DRC11: variants seen among roughly 807,000 people sequenced by gnomAD.
DRC11 encodes the protein dynein regulatory complex subunit 11, also known as IQ and AAA domain-containing protein 1.
At chr2:236,333,859 TG>T in the DRC11 span, among the ~76,000 whole-genome samples, 1 of 152,114 alleles carries the variant, frequency 6.6e-6, no homozygotes, top group Non-Finnish European at 1.5e-5. The surrounding 1 kb of genome is among the most constrained non-coding windows in gnomAD (Gnocchi z 6.0). Flanking sequence ...AACTGTACCG[TG>T]GGGCCTGCCA....
chr2:236,347,508 C>CCATATATATATA, the DRC11 span, among the ~76,000 whole-genome samples: 1 of 107,486 alleles, frequency 9.3e-6, no homozygotes, highest in Non-Finnish European at 2.2e-5. Flanking sequence ...AAAAACTGTG[C>CCATATATATATA]TATATATATA....
the DRC11 span, among the ~76,000 whole-genome samples, chr2:236,470,058 A>G: frequency 6.6e-6 from 1 of 152,214 alleles, no homozygotes; most frequent in African/African-American, 2.4e-5. This position sits in a 1 kb window ranked among gnomAD's most constrained non-coding sequence, Gnocchi z 5.1. Context: ...TGCTGTAAAA[A>G]TAGGACATAA....
chr2:236,395,122 C>G, the DRC11 span, among the ~76,000 whole-genome samples: 2 of 152,188 alleles, frequency 1.3e-5, no homozygotes, highest in Non-Finnish European at 2.9e-5. Flanking sequence ...GGATTGGGGG[C>G]ACAGCGCTGG....
the DRC11 span, among the ~76,000 whole-genome samples, chr2:236,440,154 T>C: frequency 6.6e-6 from 1 of 152,234 alleles, no homozygotes; most frequent in Non-Finnish European, 1.5e-5. Flanking sequence ...TACAAGCTTG[T>C]AAATGGTGAA....
At chr2:236,413,724 G>A in the DRC11 span, among the ~76,000 whole-genome samples, 2 of 152,190 alleles carry the variant, frequency 1.3e-5, no homozygotes, top group Admixed American at 1.3e-4. This position sits in a 1 kb window ranked among gnomAD's most constrained non-coding sequence, Gnocchi z 4.0. Context: ...TTTGAGGCTG[G>A]AGTGCATTTA....
the DRC11 span, among the ~76,000 whole-genome samples, chr2:236,444,389 C>A: frequency 2.0e-5 from 3 of 152,170 alleles, no homozygotes; most frequent in Non-Finnish European, 2.9e-5. Context: ...TACTATTGTA[C>A]CATTGGTGCC....
the DRC11 span, among the ~76,000 whole-genome samples, chr2:236,370,068 G>T: frequency 3.3e-5 from 5 of 152,200 alleles, no homozygotes; most frequent in Non-Finnish European, 4.4e-5. This position sits in a 1 kb window ranked among gnomAD's most constrained non-coding sequence, Gnocchi z 5.5. Context: ...ATTTCATTAA[G>T]ATGAGGTCAT....
At chr2:236,493,949 T>G in the DRC11 span, 1 of 1,434,162 alleles carries the variant, frequency 7.0e-7, no homozygotes, top group Non-Finnish European at 9.3e-7. Flanking sequence ...AGAACTTTAT[T>G]TAAAATATAC....
At chr2:236,497,381 G>T in the DRC11 span, 1 of 1,613,846 alleles carries the variant, frequency 6.2e-7, no homozygotes, top group Admixed American at 1.7e-5. The surrounding 1 kb of genome is among the most constrained non-coding windows in gnomAD (Gnocchi z 5.1). Flanking sequence ...GCTAATGTTT[G>T]AAAGATGAAA....
chr2:236,380,551 A>C, the DRC11 span: 1 of 1,547,640 alleles, frequency 6.5e-7, no homozygotes, highest in Non-Finnish European at 8.7e-7. The surrounding 1 kb of genome is among the most constrained non-coding windows in gnomAD (Gnocchi z 4.9). Context: ...ATCACAACAC[A>C]ACGAGTCCAT....
chr2:236,503,223 C>T, the DRC11 span, among the ~76,000 whole-genome samples: 1 of 152,186 alleles, frequency 6.6e-6, no homozygotes. The surrounding 1 kb of genome is among the most constrained non-coding windows in gnomAD (Gnocchi z 4.9). Flanking sequence ...CCCACAAAGA[C>T]CCAAAGTCAA....
chr2:236,403,126 A>G, the DRC11 span, among the ~76,000 whole-genome samples: 1 of 148,936 alleles, frequency 6.7e-6, no homozygotes, highest in Non-Finnish European at 1.5e-5. Context: ...GGCAAGGAAG[A>G]GGAGGAGGGG....
chr2:236,422,808 A>C, the DRC11 span, among the ~76,000 whole-genome samples: 1 of 152,006 alleles, frequency 6.6e-6, no homozygotes, highest in Non-Finnish European at 1.5e-5. Flanking sequence ...ACTATACTAC[A>C]AGGCTACAGT....
the DRC11 span, among the ~76,000 whole-genome samples, chr2:236,373,484 C>T: frequency 6.6e-6 from 1 of 152,102 alleles, no homozygotes; most frequent in Non-Finnish European, 1.5e-5. Context: ...CTCCTGACCT[C>T]CAATGATCCG....
At chr2:236,465,738 T>G in the DRC11 span, 1 of 1,429,140 alleles carries the variant, frequency 7.0e-7, no homozygotes, top group Non-Finnish European at 9.8e-7. The surrounding 1 kb of genome is among the most constrained non-coding windows in gnomAD (Gnocchi z 6.2). Context: ...CAACAAGGTT[T>G]GAGGTCATAA....
chr2:236,376,220 G>A, the DRC11 span, among the ~76,000 whole-genome samples: 2 of 152,222 alleles, frequency 1.3e-5, no homozygotes, highest in African/African-American at 4.8e-5. This position sits in a 1 kb window ranked among gnomAD's most constrained non-coding sequence, Gnocchi z 5.7. Context: ...TTGAGAGACA[G>A]TCTGTGCACA....
the DRC11 span, among the ~76,000 whole-genome samples, chr2:236,308,931 T>G: frequency 6.6e-6 from 1 of 152,228 alleles, no homozygotes; most frequent in East Asian, 1.9e-4. The surrounding 1 kb of genome is among the most constrained non-coding windows in gnomAD (Gnocchi z 6.0). Context: ...GAACACGTGC[T>G]TCTGCTGCAG....
the DRC11 span, among the ~76,000 whole-genome samples, chr2:236,406,554 C>T: frequency 2.6e-5 from 4 of 152,116 alleles, no homozygotes; most frequent in Admixed American, 6.5e-5. This position sits in a 1 kb window ranked among gnomAD's most constrained non-coding sequence, Gnocchi z 4.7. Context: ...GGGGAGAGGT[C>T]GACCAGCGAT....
chr2:236,368,331 A>C, the DRC11 span: 4 of 1,329,214 alleles, frequency 3.0e-6, no homozygotes, highest in Non-Finnish European at 4.3e-6. Flanking sequence ...AGGAACAATA[A>C]ATGGAAAACA....
Sources: allele counts gnomAD v4.1 joint callset (sites outside exome capture counted in the v4.1 genomes callset), GRCh38; gene constraint gnomAD v4.1.1; non-coding constraint Gnocchi (gnomAD v3.1); transcripts MANE v1.5; gene names NCBI Gene and HGNC (gene_info 2026-07-23, HGNC 2026-07-21).